The following SATB1 variants were observed in gnomAD, a reference collection of about 807,000 sequenced individuals.
SATB1 encodes SATB homeobox 1, also known as DNA-binding protein SATB1.
SATB1 carries 11 observed loss-of-function variants against 86.9 expected under a neutral mutation model. That is an observed-to-expected ratio of 0.13 (90% CI 0.08 to 0.21). The LOEUF is 0.21. SATB1 is among the 10% of genes least tolerant of loss of function. SATB1 has a pLI of 1.00. For synonymous variants in SATB1, 357 were observed against 357.2 expected (o/e 1.00, Z 0.01); for missense variants, 551 against 937.6 (o/e 0.59, Z 5.39).
intron 9 of SATB1, among the ~76,000 whole-genome samples, chr3:18,353,850 A>G (rs1018923944): frequency 2.6e-5 from 4 of 152,194 alleles, no homozygotes; most frequent in Admixed American, 2.0e-4. Context: ...CCTATTCAAC[A>G]TGTCTTTTAA....
At chr3:18,385,011 T>A (rs1339500677) in intron 8 of SATB1, among the ~76,000 whole-genome samples, 1 of 152,260 alleles carries the variant, frequency 6.6e-6, no homozygotes, top group Non-Finnish European at 1.5e-5. Context: ...TTTGTGACAT[T>A]TCTAAAAAGT....
intron 5 of SATB1, among the ~76,000 whole-genome samples, chr3:18,406,308 G>T (rs1697529175): frequency 6.6e-6 from 1 of 151,994 alleles, no homozygotes; most frequent in Admixed American, 6.6e-5. Context: ...ATGGACGCTG[G>T]AAGTGAACAT....
intron 8 of SATB1, among the ~76,000 whole-genome samples, chr3:18,385,684 A>G (rs1005169099): frequency 2.0e-5 from 3 of 152,116 alleles, no homozygotes; most frequent in African/African-American, 7.2e-5. Flanking sequence ...TACACTAACT[A>G]GCAAACTTTT....
Position 18,352,271 on chromosome 3 carries a change from A to G in SATB1, c.1576-76T>C. The G allele has an allele frequency of 7.7e-7, 1 of 1,299,342 alleles. No homozygotes were observed. Among genetic ancestry groups the G allele is most frequent in the Non-Finnish European group, 1.1e-6 (1 of 910,214 alleles). 80.5% of individuals were successfully genotyped at this position (1,299,342 alleles called of 1,614,324 possible). On this transcript the variant is annotated intron_variant, in intron 9 of 10. Coordinates refer to ENST00000338745, the MANE Select transcript of SATB1 (RefSeq NM_002971.6). The surrounding 1 kb of genome is among the most constrained non-coding windows in gnomAD (Gnocchi z 4.1). ...CATTTTCCATTAGGAGCTAAAAAGG[A>G]AAAACCCTATGAATTAACTTTTTCA...
intron 2 of SATB1, among the ~76,000 whole-genome samples, chr3:18,430,647 A>G (rs1698858516): frequency 6.6e-6 from 1 of 152,226 alleles, no homozygotes. Context: ...TGCAGAGAAT[A>G]ATGGCAAAAA....
Position 18,352,346 on chromosome 3 carries a change from A to T in SATB1, c.1576-151T>A, listed in dbSNP as rs1349920782. ...TTTAAAAATTGTTTTTAACTTGTTA[A>T]GAGAGGTTATCTGTGGCTGTCAAGG... On this transcript the variant is annotated intron_variant, in intron 9 of 10. Transcript: ENST00000338745. The surrounding 1 kb of genome is among the most constrained non-coding windows in gnomAD (Gnocchi z 4.1). 2 of 645,694 alleles carry T rather than the reference A, an allele frequency of 3.1e-6. No individual in the cohort carries two copies. Among genetic ancestry groups the T allele is most frequent in the Non-Finnish European group, 5.3e-6 (2 of 378,342 alleles). 40.0% of individuals were successfully genotyped at this position (645,694 alleles called of 1,614,324 possible).
At chr3:18,430,784 C>G (rs114981189) in intron 2 of SATB1, among the ~76,000 whole-genome samples, 4,472 of 152,200 alleles carry the variant, frequency 0.029, 232 homozygotes, top group African/African-American at 0.1. Context: ...AGAATGATAG[C>G]GATCAAAAGT....
At chr3:18,374,137 A>G (rs1197352251) in intron 9 of SATB1, among the ~76,000 whole-genome samples, 1 of 152,190 alleles carries the variant, frequency 6.6e-6, no homozygotes. Context: ...GTAACAATTC[A>G]GTATACAAGG....
chr3:18,352,735 G>A lies in SATB1; in HGVS notation c.1576-540C>T, dbSNP rs1694432399. Reference sequence around the variant, plus strand: ...CCAGCAAGAATGTTTTCCAGTATAAGGCATAATGATTAGAATGGGCATTAC... The same window carrying A: ...CCAGCAAGAATGTTTTCCAGTATAAAGCATAATGATTAGAATGGGCATTAC... On this transcript the variant is annotated intron_variant, in intron 9 of 10. Coordinates refer to ENST00000338745, the MANE Select transcript of SATB1 (RefSeq NM_002971.6). The surrounding 1 kb of genome is among the most constrained non-coding windows in gnomAD (Gnocchi z 4.1). 1 of 155,168 alleles carries A rather than the reference G, an allele frequency of 6.4e-6. No individual in the cohort carries two copies. The highest frequency in any genetic ancestry group is 1.4e-5 in the Non-Finnish European group (1 of 69,874). 9.6% of individuals were successfully genotyped at this position (155,168 alleles called of 1,614,324 possible). A position where few individuals can be genotyped will look rare whatever the true frequency, so the allele number is the denominator to read the frequency against.
At chr3:18,389,820 G>A (rs1009363479) in intron 7 of SATB1, among the ~76,000 whole-genome samples, 26 of 152,018 alleles carry the variant, frequency 1.7e-4, no homozygotes, top group African/African-American at 5.3e-4. Context: ...ATGTTATGTA[G>A]GAAGTTACCA....
Position 18,386,521 on chromosome 3 carries a change from A to G in SATB1, c.1297T>C (p.Leu433=), listed in dbSNP as rs1275386635. Reference sequence around the variant, plus strand: ...TCTCTTTCAGCTTCCGGTAACTGCAAGAAATTCTGCATAGCCCGAAGGTTT... The same window carrying G: ...TCTCTTTCAGCTTCCGGTAACTGCAGGAAATTCTGCATAGCCCGAAGGTTT... ...LVNLRAMQNF[L]QLPEAERDRI... is the part of the protein sequence containing the mutation. The change falls in exon 8 of 11, where the codon TTG becomes CTG. Residue 433 remains leucine (L), a synonymous_variant. Transcript: ENST00000338745. This position sits in a 1 kb window ranked among gnomAD's most constrained non-coding sequence, Gnocchi z 4.5. 1.2e-6 allele frequency: 2 copies of G among 1,614,128 alleles called. No individual in the cohort carries two copies. The highest frequency in any genetic ancestry group is 2.2e-5 in the South Asian group (2 of 91,080).
Position 18,394,888 on chromosome 3 carries a change from G to C in SATB1, c.780C>G (p.Ser260=). ...MVEMDSLSEL[S]QQGANHVNFG... Reference sequence around the variant, plus strand: ...AATTGACATGATTGGCGCCTTGCTGGGATAGCTCAGAAAGACTATCCATTT... The same window carrying C: ...AATTGACATGATTGGCGCCTTGCTGCGATAGCTCAGAAAGACTATCCATTT... The change falls in exon 7 of 11, where the codon TCC becomes TCG. Residue 260 remains serine, a synonymous_variant. Transcript: ENST00000338745. This position sits in a 1 kb window ranked among gnomAD's most constrained non-coding sequence, Gnocchi z 5.9. 6.2e-7 allele frequency: 1 copy of C among 1,605,804 alleles called. No individual in the cohort carries two copies. The highest frequency in any genetic ancestry group is 8.5e-7 in the Non-Finnish European group (1 of 1,176,120).
intron 8 of SATB1, among the ~76,000 whole-genome samples, chr3:18,382,792 T>G (rs1230942050): frequency 2.0e-5 from 3 of 152,234 alleles, no homozygotes; most frequent in African/African-American, 7.2e-5. Context: ...CCTCCCATCC[T>G]CTATGACAAA....
chr3:18,406,366 T>G (rs1335217358), intron 5 of SATB1, among the ~76,000 whole-genome samples: 3 of 152,052 alleles, frequency 2.0e-5, no homozygotes, highest in Non-Finnish European at 4.4e-5. Context: ...AGTATCTTTG[T>G]CTATAAATTA....
chr3:18,380,464 T>C (rs951282448), intron 8 of SATB1, among the ~76,000 whole-genome samples: 28 of 152,188 alleles, frequency 1.8e-4, no homozygotes, highest in African/African-American at 5.8e-4. Context: ...AAAGCAATTA[T>C]AATCAAGCAC....
At position 18,421,006 on chromosome 3, in the gene SATB1, A is replaced by G; in HGVS notation, c.-24-15T>C. Reference sequence around the variant, plus strand: ...CTAAAGATCACCTGCCAGAATTTAAAAAGAAGACACGTTATAGTTGGGCGG... The same window carrying G: ...CTAAAGATCACCTGCCAGAATTTAAGAAGAAGACACGTTATAGTTGGGCGG... On this transcript the variant is annotated splice_polypyrimidine_tract_variant and intron_variant, in intron 1 of 10. Coordinates refer to ENST00000338745, the MANE Select transcript of SATB1 (RefSeq NM_002971.6). 1 of 1,597,002 alleles carries G rather than the reference A, an allele frequency of 6.3e-7. No individual in the cohort carries two copies. The highest frequency in any genetic ancestry group is 8.6e-7 in the Non-Finnish European group (1 of 1,164,706).
chr3:18,386,419 G>C lies in SATB1; in HGVS notation c.1399C>G (p.Pro467Ala). Residue 467 changes from proline to alanine, a missense_variant, in exon 8 of 11, where the codon CCA becomes GCA. Physicochemically the swap from Pro to Ala is conservative, Grantham distance 27 (BLOSUM62 -1). Transcript: ENST00000338745. The surrounding 1 kb of genome is among the most constrained non-coding windows in gnomAD (Gnocchi z 4.5). ...CGCACCTGGGGAGGACGGCTGGGTGGTGTGCTGATGAGGGGGGCAGGACCC... is the reference window on the plus strand; with the variant it reads ...CGCACCTGGGGAGGACGGCTGGGTGCTGTGCTGATGAGGGGGGCAGGACCC... Reference protein sequence around the residue: ...AMGPAPLISTPPSRPPQVKTA... With the variant: ...AMGPAPLISTAPSRPPQVKTA... 6.2e-7 allele frequency: 1 copy of C among 1,613,852 alleles called. No individual in the cohort carries two copies. The highest frequency in any genetic ancestry group is 1.1e-5 in the South Asian group (1 of 91,044).
chr3:18,409,236 T>C (rs1015800189), intron 5 of SATB1: 22 of 152,112 alleles, frequency 1.4e-4, no homozygotes, highest in African/African-American at 5.3e-4. Context: ...AGATGCTTTA[T>C]TAAGTTTGGC....
chr3:18,436,852 A>G (rs1699082270), exon 2 of SATB1: 1 of 152,162 alleles, frequency 6.6e-6, no homozygotes, highest in South Asian at 2.1e-4. Flanking sequence ...TTTAAGAGCC[A>G]TATTACGAGG....
Sources: gnomAD v4.1 joint callset for allele counts (sites outside exome capture counted in the v4.1 genomes callset) on GRCh38, gnomAD v4.1.1 for gene constraint, Gnocchi (gnomAD v3.1) non-coding constraint, MANE v1.5 for transcripts, NCBI Gene and HGNC (gene_info 2026-07-23, HGNC 2026-07-21) for gene names.